Variants in NLRP14 observed in about 807,000 individuals in gnomAD.
NLRP14 encodes NACHT, LRR and PYD domains-containing protein 14.
Under a neutral mutation model 94.7 loss-of-function variants are expected in NLRP14, and 105 were observed. The ratio of observed to expected loss-of-function variants is 1.11; its 90% confidence interval spans 0.95 to 1.30. The LOEUF (loss-of-function observed/expected upper bound fraction) is 1.30. Among genes scored for constraint, NLRP14 ranks in the 50% most tolerant of loss-of-function variants. The probability of loss-of-function intolerance (pLI) is 0.00; values close to 1 mark genes in which losing one functional copy is unlikely to be tolerated. For synonymous variants in NLRP14, 508 were observed against 459.9 expected (o/e 1.10, Z -1.34); for missense variants, 1,362 against 1,254.1 (o/e 1.09, Z -1.30).
At chr11:7,047,588 G>A (rs1852374803) in intron 5 of NLRP14, among the ~76,000 whole-genome samples, 1 of 151,988 alleles carries the variant, frequency 6.6e-6, no homozygotes, top group South Asian at 2.1e-4. Context: ...TTACAGGCAT[G>A]AGCCACAATG....
At position 7,049,742 on chromosome 11, in the gene NLRP14, T is replaced by A; in HGVS notation, c.2195T>A (p.Met732Lys). The change falls in exon 6 of 12, where the codon ATG becomes AAG. Residue 732 changes from methionine (M) to lysine (K), a missense_variant. Transcript: ENST00000299481. Reference protein sequence around the residue: ...STSLIHNKNLMHLDLKGSDIG... With the variant: ...STSLIHNKNLKHLDLKGSDIG... ...TCTTTGATTCATAACAAGAATCTGA[T>A]GCATCTTGACCTAAAAGGGAGTGAT... is the stretch of plus-strand genomic sequence containing the variant. 6.2e-7 allele frequency: 1 copy of A among 1,608,818 alleles called. No homozygotes were observed. Among genetic ancestry groups the A allele is most frequent in the Non-Finnish European group, 8.5e-7 (1 of 1,175,188 alleles).
chr11:7,056,515 C>CA (rs60703550), intron 6 of NLRP14, among the ~76,000 whole-genome samples: 33,693 of 122,652 alleles, frequency 0.27, 4,573 homozygotes, highest in East Asian at 0.33. Context: ...AGCACTAATA[C>CA]AAAAAAAAAA....
the NLRP14 span, chr11:7,090,348 A>G: frequency 2.0e-5 from 31 of 1,535,540 alleles, no homozygotes; most frequent in Non-Finnish European, 2.5e-5. Flanking sequence ...AAACTAACAA[A>G]AAGAAGAACC....
intron 1 of NLRP14, among the ~76,000 whole-genome samples, chr11:7,025,302 AATAC>A (rs1851999362): frequency 1.3e-5 from 2 of 152,306 alleles, no homozygotes; most frequent in South Asian, 4.1e-4. Flanking sequence ...AAGGGGCTTC[AATAC>A]ATCAGCCAAA....
chr11:7,042,432 A>T lies in NLRP14; in HGVS notation c.406A>T (p.Ile136Phe). 6.2e-7 allele frequency: 1 copy of T among 1,614,040 alleles called. No individual in the cohort carries two copies. Among genetic ancestry groups the T allele is most frequent in the Non-Finnish European group, 8.5e-7 (1 of 1,179,874 alleles). The change falls in exon 4 of 12, where the codon ATC becomes TTC. Residue 136 changes from isoleucine to phenylalanine, a missense_variant. Ile to Phe is a conservative substitution (Grantham distance 21). Coordinates refer to ENST00000299481, the MANE Select transcript of NLRP14 (RefSeq NM_176822.4). ...YRNRIKEKFC[I>F]TWDKKSLAGK... is the part of the protein sequence containing the mutation. ...AAATAGAATAAAGGAAAAATTTTGC[A>T]TCACTTGGGACAAGAAGTCTTTGGC...
chr11:7,039,496 C>A (rs554804023), intron 2 of NLRP14, among the ~76,000 whole-genome samples: 86 of 152,128 alleles, frequency 5.7e-4, no homozygotes, highest in Non-Finnish European at 4.9e-4. Context: ...AAGGTGGGGG[C>A]CATGGCAAGA....
At chr11:7,027,935 G>A (rs1852037338) in intron 1 of NLRP14, among the ~76,000 whole-genome samples, 1 of 152,124 alleles carries the variant, frequency 6.6e-6, no homozygotes, top group South Asian at 2.1e-4. Flanking sequence ...CTCTCTGGAT[G>A]TTCTTTTTCA....
At chr11:7,076,258 G>A (rs898107570), downstream of NLRP14, among the ~76,000 whole-genome samples, 1 of 152,092 alleles carries the variant, frequency 6.6e-6, no homozygotes, top group African/African-American at 2.4e-5. Context: ...ACTCAGCTCT[G>A]GGGAAGAAAG....
chr11:7,087,759 C>G, the NLRP14 span, among the ~76,000 whole-genome samples: 2 of 151,626 alleles, frequency 1.3e-5, no homozygotes, highest in Non-Finnish European at 2.9e-5. Context: ...CAAGAAAAGG[C>G]AAGAAAGATG....
chr11:7,027,318 G>C (rs552679399), intron 1 of NLRP14, among the ~76,000 whole-genome samples: 1 of 152,066 alleles, frequency 6.6e-6, no homozygotes, highest in Admixed American at 6.6e-5. Flanking sequence ...ACAGTTCTGG[G>C]GGTTGGAAGT....
chr11:7,044,062 T>C, intron 4 of NLRP14, 78 bp downstream of exon 4: 7 of 1,369,334 alleles, frequency 5.1e-6, no homozygotes, highest in Non-Finnish European at 6.2e-6. Flanking sequence ...AGGAGGCGTT[T>C]AGCTGAGGTC....
chr11:7,061,790 A>G (rs926376716), intron 9 of NLRP14, among the ~76,000 whole-genome samples: 7 of 151,994 alleles, frequency 4.6e-5, no homozygotes, highest in African/African-American at 7.2e-5. Context: ...CGCAACAACA[A>G]ATATGGTTTA....
chr11:7,053,697 C>T (rs368293202), intron 6 of NLRP14, among the ~76,000 whole-genome samples: 5 of 151,484 alleles, frequency 3.3e-5, no homozygotes, highest in South Asian at 4.2e-4. Flanking sequence ...TGTATACTTA[C>T]GGGTTACATG....
chr11:7,064,672 T>C (rs1035179553), intron 10 of NLRP14, among the ~76,000 whole-genome samples: 1 of 152,166 alleles, frequency 6.6e-6, no homozygotes. Context: ...CTTTACAATA[T>C]TTACAGAAAC....
At chr11:7,048,907 A>G (rs1025536623) in intron 5 of NLRP14, among the ~76,000 whole-genome samples, 4 of 151,280 alleles carry the variant, frequency 2.6e-5, no homozygotes, top group African/African-American at 9.7e-5. Flanking sequence ...GGTGCCATTT[A>G]TGTTTACTGA....
chr11:7,057,940 C>T, intron 7 of NLRP14, 93 bp downstream of exon 7: 1 of 995,304 alleles, frequency 1.0e-6, no homozygotes, highest in Non-Finnish European at 1.6e-6. Flanking sequence ...TGGGTCTTGG[C>T]ACTAACTGGC....
intron 6 of NLRP14, among the ~76,000 whole-genome samples, chr11:7,051,648 G>C (rs1024639862): frequency 6.6e-6 from 1 of 152,022 alleles, no homozygotes; most frequent in African/African-American, 2.4e-5. Context: ...ACAGAGTCTC[G>C]TTCTGTCACC....
intron 1 of NLRP14, among the ~76,000 whole-genome samples, chr11:7,024,802 CAATTG>C (rs1851992277): frequency 1.3e-5 from 2 of 151,456 alleles, no homozygotes; most frequent in Admixed American, 1.3e-4. Context: ...AGCATGTTAG[CAATTG>C]AATTGGAGGA....
At chr11:7,074,317 G>C (rs560325312), downstream of NLRP14, among the ~76,000 whole-genome samples, 4 of 152,354 alleles carry the variant, frequency 2.6e-5, no homozygotes, top group South Asian at 8.3e-4. Context: ...GATACATAGA[G>C]AGGTGGCTTT....
Sources: allele counts gnomAD v4.1 joint callset (sites outside exome capture counted in the v4.1 genomes callset), GRCh38; gene constraint gnomAD v4.1.1; transcripts MANE v1.5; gene names NCBI Gene and HGNC (gene_info 2026-07-23, HGNC 2026-07-21).